Variants in SKAP2 observed in about 807,000 individuals in gnomAD.
SKAP2 encodes src kinase associated phosphoprotein 2, also known as src kinase-associated phosphoprotein 2.
Under a neutral mutation model 54.9 loss-of-function variants are expected in SKAP2, and 28 were observed. The ratio of observed to expected loss-of-function variants is 0.51; its 90% CI spans 0.38 to 0.70. SKAP2 has a LOEUF of 0.70. Among genes scored for constraint, SKAP2 ranks in the 30% least tolerant of loss-of-function variants. SKAP2 has a pLI of 0.00. For synonymous variants in SKAP2, 137 were observed against 134.3 expected, an observed-to-expected ratio of 1.02 and a Z score of -0.14; for missense variants, 356 against 424.1, an observed-to-expected ratio of 0.84 and a Z score of 1.41.
At chr7:26,852,754 T>C (rs1162092198) in intron 3 of SKAP2, among the ~76,000 whole-genome samples, 2 of 152,190 alleles carry the variant, frequency 1.3e-5, no homozygotes, top group Non-Finnish European at 2.9e-5. Context: ...TTACTTCATA[T>C]CATGCTTTTT....
chr7:26,845,165 C>A (rs1403492427), intron 3 of SKAP2, among the ~76,000 whole-genome samples: 2 of 152,096 alleles, frequency 1.3e-5, no homozygotes, highest in Non-Finnish European at 2.9e-5. Flanking sequence ...ATAGGAACCG[C>A]AGAGTGCCTA....
chr7:26,732,178 T>G (rs924093526), intron 6 of SKAP2, among the ~76,000 whole-genome samples: 1 of 152,168 alleles, frequency 6.6e-6, no homozygotes, highest in African/African-American at 2.4e-5. Context: ...TGCTCCAGAC[T>G]GGAACCTAAA....
intron 4 of SKAP2, among the ~76,000 whole-genome samples, chr7:26,825,918 T>C (rs1043326284): frequency 2.6e-5 from 4 of 152,192 alleles, no homozygotes; most frequent in Non-Finnish European, 5.9e-5. Flanking sequence ...AGTTTAGTCA[T>C]ACTTTCACAT....
intron 3 of SKAP2, among the ~76,000 whole-genome samples, chr7:26,845,716 G>A (rs1351565326): frequency 6.6e-6 from 1 of 152,148 alleles, no homozygotes; most frequent in East Asian, 1.9e-4. Context: ...AAGATCGCTT[G>A]TGGCCAGGAA....
At chr7:26,716,084 T>C (rs1366853642) in intron 9 of SKAP2, among the ~76,000 whole-genome samples, 3 of 152,216 alleles carry the variant, frequency 2.0e-5, no homozygotes, top group Non-Finnish European at 4.4e-5. Flanking sequence ...ATTTCTATGA[T>C]TATTCTATGT....
intron 1 of SKAP2, among the ~76,000 whole-genome samples, chr7:26,864,055 T>TCACACACACACACACACACACACACA (rs35995014): frequency 2.1e-5 from 3 of 143,436 alleles, no homozygotes; most frequent in South Asian, 2.3e-4. Flanking sequence ...CGCCCTTCTG[T>TCACACACACACACACACACACACACA]CACACACACA....
intron 4 of SKAP2, among the ~76,000 whole-genome samples, chr7:26,838,338 T>A (rs530914208): frequency 6.6e-6 from 1 of 152,248 alleles, no homozygotes; most frequent in African/African-American, 2.4e-5. Flanking sequence ...GTCACCCATA[T>A]CTTCCCCATG....
chr7:26,815,707 C>A (rs1263541311), intron 4 of SKAP2, among the ~76,000 whole-genome samples: 1 of 152,072 alleles, frequency 6.6e-6, no homozygotes, highest in Non-Finnish European at 1.5e-5. Flanking sequence ...TCAATTACCA[C>A]CAACTCACTA....
chr7:26,688,922 A>G (rs907436242), intron 10 of SKAP2, among the ~76,000 whole-genome samples: 1 of 152,198 alleles, frequency 6.6e-6, no homozygotes, highest in African/African-American at 2.4e-5. Flanking sequence ...GAAAACATAT[A>G]TACTTAAACT....
intron 3 of SKAP2, among the ~76,000 whole-genome samples, chr7:26,848,813 A>T (rs1282092730): frequency 1.3e-5 from 2 of 152,228 alleles, no homozygotes; most frequent in African/African-American, 4.8e-5. Context: ...AAGGCTCTGA[A>T]GAATCTAGGT....
intron 4 of SKAP2, among the ~76,000 whole-genome samples, chr7:26,778,509 G>A (rs977224295): frequency 6.6e-6 from 1 of 151,978 alleles, no homozygotes; most frequent in Non-Finnish European, 1.5e-5. Context: ...TGAACTGATG[G>A]ACATATTTCT....
At chr7:26,728,734 C>G (rs923505084) in intron 6 of SKAP2, among the ~76,000 whole-genome samples, 1 of 151,962 alleles carries the variant, frequency 6.6e-6, no homozygotes, top group African/African-American at 2.4e-5. Context: ...ATGTTCACTA[C>G]GAAAAGTGGA....
At chr7:26,768,223 T>C (rs915951427) in intron 4 of SKAP2, among the ~76,000 whole-genome samples, 1 of 152,100 alleles carries the variant, frequency 6.6e-6, no homozygotes, top group African/African-American at 2.4e-5. Flanking sequence ...GCCCTTGTCT[T>C]TTTTGATCTT....
At chr7:26,718,480 C>T (rs569858253) in intron 9 of SKAP2, among the ~76,000 whole-genome samples, 59 of 151,750 alleles carry the variant, frequency 3.9e-4, no homozygotes, top group Middle Eastern at 6.8e-3. Flanking sequence ...GAGTGACTTC[C>T]ACTTTTTTAT....
chr7:26,756,065 CTG>C (rs532633356), intron 4 of SKAP2, among the ~76,000 whole-genome samples: 382 of 152,260 alleles, frequency 2.5e-3, no homozygotes, highest in Non-Finnish European at 3.4e-3. Flanking sequence ...TGCTATAGAT[CTG>C]TGTGTATTAA....
Position 26,668,280 on chromosome 7 carries a change from A to C in SKAP2, c.*1386T>G, listed in dbSNP as rs1786150669. On this transcript the variant is annotated 3_prime_UTR_variant, in exon 13 of 13. Coordinates refer to ENST00000345317, the MANE Select transcript of SKAP2 (RefSeq NM_003930.5). ...GATTCAATATTAGGAGTTTATGTGT[A>C]GTCCAAATAATTATCTAACCAGCAA... The C allele has an allele frequency of 6.6e-6, 1 of 152,212 alleles. No homozygotes were observed. Among genetic ancestry groups the C allele is most frequent in the South Asian group, 2.1e-4 (1 of 4,830 alleles). 9.4% of individuals were successfully genotyped at this position (152,212 alleles called of 1,614,324 possible).
chr7:26,833,352 C>G (rs1334960250), intron 4 of SKAP2, among the ~76,000 whole-genome samples: 1 of 148,728 alleles, frequency 6.7e-6, no homozygotes, highest in South Asian at 2.1e-4. Context: ...GCTGAGATCG[C>G]GCCACTGCAC....
At chr7:26,813,393 T>G (rs1784197966) in intron 4 of SKAP2, among the ~76,000 whole-genome samples, 1 of 152,206 alleles carries the variant, frequency 6.6e-6, no homozygotes, top group Non-Finnish European at 1.5e-5. Context: ...GTAGCTGAAA[T>G]TTTTTAAAGC....
At chr7:26,781,330 T>C (rs1584386192) in intron 4 of SKAP2, among the ~76,000 whole-genome samples, 1 of 152,070 alleles carries the variant, frequency 6.6e-6, no homozygotes, top group East Asian at 1.9e-4. Flanking sequence ...TTTAAAAAAA[T>C]GAAGTCTTTC....
Sources: gnomAD v4.1 joint callset for allele counts (sites outside exome capture counted in the v4.1 genomes callset) on GRCh38, gnomAD v4.1.1 for gene constraint, MANE v1.5 for transcripts, NCBI Gene and HGNC (gene_info 2026-07-23, HGNC 2026-07-21) for gene names.